Variants in SMG6 observed in about 807,000 individuals in gnomAD.
The protein encoded by SMG6 is telomerase-binding protein EST1A.
SMG6 carries 66 observed loss-of-function variants against 142.2 expected under a neutral mutation model. That is an observed-to-expected ratio of 0.46 (90% confidence interval 0.38 to 0.57). The LOEUF (loss-of-function observed/expected upper bound fraction) is 0.57, where lower values mean the gene tolerates loss of function less well. Ranked by LOEUF, SMG6 falls within the 20% of genes least tolerant of loss-of-function variation. SMG6 has a pLI of 0.00. For synonymous variants in SMG6, 779 were observed against 702.4 expected, an observed-to-expected ratio of 1.11 and a Z score of -1.72; for missense variants, 1,793 against 1,832.0, an observed-to-expected ratio of 0.98 and a Z score of 0.39.
In SMG6 at chr17:2,282,815, G is replaced by T; in HGVS notation, c.2493C>A (p.Ser831Arg). Residue 831 changes from serine (S) to arginine (R), a missense_variant, in exon 8 of 19, where the codon AGC becomes AGA. Ser to Arg is a moderately radical substitution (Grantham distance 110). Transcript: ENST00000263073. ...TCTTTCCTTTCCGCCACTGGTCAGGGCTCAGGTCAAATTCCTCATGTTGCT... is the reference window on the plus strand; with the variant it reads ...TCTTTCCTTTCCGCCACTGGTCAGGTCTCAGGTCAAATTCCTCATGTTGCT... Reference protein sequence around the residue: ...EKKQHEEFDLSPDQWRKGKKS... With the variant: ...EKKQHEEFDLRPDQWRKGKKS... The T allele has an allele frequency of 1.2e-6, 2 of 1,614,092 alleles. No homozygotes were observed. The highest frequency in any genetic ancestry group is 2.2e-5 in the South Asian group (2 of 91,082).
chr17:2,229,821 T>A, intron 10 of SMG6, among the ~76,000 whole-genome samples: 1 of 152,154 alleles, frequency 6.6e-6, no homozygotes, highest in East Asian at 1.9e-4. Flanking sequence ...AGTATGAATC[T>A]GGCCTGAGCC....
chr17:2,149,611 A>T (rs1423225600), intron 13 of SMG6, among the ~76,000 whole-genome samples: 2 of 152,186 alleles, frequency 1.3e-5, no homozygotes. Flanking sequence ...AAAGCAATCT[A>T]GGCAGGGCTT....
At chr17:2,136,226 A>G (rs999302657) in intron 13 of SMG6, among the ~76,000 whole-genome samples, 3 of 150,766 alleles carry the variant, frequency 2.0e-5, no homozygotes, top group Admixed American at 6.6e-5. Context: ...ATGCCTGGCT[A>G]ATTTTTGTAT....
At chr17:2,262,719 G>T (rs1360834322) in intron 8 of SMG6, among the ~76,000 whole-genome samples, 1 of 152,010 alleles carries the variant, frequency 6.6e-6, no homozygotes, top group Non-Finnish European at 1.5e-5. Context: ...ACACTTTATT[G>T]CAAGTATTTA....
At chr17:2,170,341 C>CGTA (rs1208256227) in intron 13 of SMG6, among the ~76,000 whole-genome samples, 5 of 152,094 alleles carry the variant, frequency 3.3e-5, no homozygotes, top group African/African-American at 1.2e-4. Context: ...GAAGATGGGG[C>CGTA]GTAGGAAGAG....
intron 13 of SMG6, among the ~76,000 whole-genome samples, chr17:2,100,927 C>T (rs1348411298): frequency 5.3e-5 from 8 of 152,054 alleles, no homozygotes; most frequent in African/African-American, 1.4e-4. Flanking sequence ...GCTGGGATTA[C>T]AGGTGTGGGC....
chr17:2,157,116 T>C (rs1421966058), intron 13 of SMG6, among the ~76,000 whole-genome samples: 2 of 152,186 alleles, frequency 1.3e-5, no homozygotes, highest in African/African-American at 4.8e-5. Flanking sequence ...CTGAAGTACC[T>C]TCTTCAAAGC....
chr17:2,162,329 GGT>G (rs2071205189), intron 13 of SMG6, among the ~76,000 whole-genome samples: 1 of 151,826 alleles, frequency 6.6e-6, no homozygotes, highest in African/African-American at 2.4e-5. Context: ...TGGCTAACAT[GGT>G]GAAACCCCGT....
chr17:2,156,052 TTTTA>T (rs75006031), intron 13 of SMG6, among the ~76,000 whole-genome samples: 3 of 125,306 alleles, frequency 2.4e-5, no homozygotes, highest in Admixed American at 7.8e-5. Context: ...TTTTTTTTTT[TTTTA>T]AAATAATGAA....
chr17:2,248,404 G>C (rs2073970037), intron 8 of SMG6, among the ~76,000 whole-genome samples: 1 of 152,132 alleles, frequency 6.6e-6, no homozygotes, highest in South Asian at 2.1e-4. Context: ...AACTCATACT[G>C]TTTGAACCAC....
chr17:2,194,770 C>G (rs1374652714), intron 10 of SMG6, among the ~76,000 whole-genome samples: 1 of 151,074 alleles, frequency 6.6e-6, no homozygotes, highest in Non-Finnish European at 1.5e-5. Context: ...TGAGGGGGTA[C>G]GTAGGGGTGA....
intron 10 of SMG6, among the ~76,000 whole-genome samples, chr17:2,200,234 T>C (rs1014103687): frequency 6.6e-6 from 1 of 152,166 alleles, no homozygotes; most frequent in Admixed American, 6.5e-5. Context: ...AAAAACTTTT[T>C]GTTTTTTTTA....
intron 9 of SMG6, among the ~76,000 whole-genome samples, chr17:2,238,079 G>T (rs1412999419): frequency 6.6e-6 from 1 of 152,072 alleles, no homozygotes; most frequent in African/African-American, 2.4e-5. Context: ...CACCCATCTC[G>T]GCCCTTCCCG....
At chr17:2,228,630 T>C (rs2073384484) in intron 10 of SMG6, among the ~76,000 whole-genome samples, 1 of 152,260 alleles carries the variant, frequency 6.6e-6, no homozygotes, top group Non-Finnish European at 1.5e-5. Context: ...CCCAAAGTGC[T>C]GGGATTACAG....
At chr17:2,109,881 C>T (rs761009764) in intron 13 of SMG6, among the ~76,000 whole-genome samples, 5 of 152,002 alleles carry the variant, frequency 3.3e-5, no homozygotes, top group Non-Finnish European at 5.9e-5. Context: ...CACCTGAGCT[C>T]AGGAGTTCAA....
intron 13 of SMG6, among the ~76,000 whole-genome samples, chr17:2,136,715 C>T (rs1044478734): frequency 3.3e-5 from 5 of 151,864 alleles, no homozygotes; most frequent in African/African-American, 7.2e-5. Flanking sequence ...CTGAAAAGGC[C>T]TCACCTTTTT....
At chr17:2,087,273 G>T in intron 13 of SMG6, 1 of 1,279,928 alleles carries the variant, frequency 7.8e-7, no homozygotes, top group Non-Finnish European at 1.0e-6. Context: ...ACAGAGAGCA[G>T]ATGAAGCAGG....
At chr17:2,207,198 G>C (rs1235308468) in intron 10 of SMG6, among the ~76,000 whole-genome samples, 1 of 150,480 alleles carries the variant, frequency 6.6e-6, no homozygotes, top group East Asian at 2.0e-4. Context: ...TGAGGCATGA[G>C]AATCACTTGA....
In SMG6 at chr17:2,104,588, T is replaced by A. The variant is rs556633465; in HGVS notation, c.3358-18687A>T. Among the ~76,000 whole-genome samples the A allele has an allele frequency of 3.3e-5, 5 of 151,272 alleles. No individual in the cohort carries two copies. In the East Asian group the frequency reaches 9.7e-4, roughly 29 times the overall value. On this transcript the variant is annotated intron_variant, in intron 13 of 18. Coordinates refer to ENST00000263073, the MANE Select transcript of SMG6 (RefSeq NM_017575.5). ...TCAGGGTAGTGGCAGGTAGAGCAAG[T>A]TAGCATCTTACTTCCTCTGCAATTT... is the stretch of plus-strand genomic sequence containing the variant.
Sources: gnomAD v4.1 joint callset for allele counts (sites outside exome capture counted in the v4.1 genomes callset) on GRCh38, gnomAD v4.1.1 for gene constraint, MANE v1.5 for transcripts, NCBI Gene and HGNC (gene_info 2026-07-23, HGNC 2026-07-21) for gene names.